NDUFS8: variants seen among roughly 807,000 people sequenced by gnomAD.
The protein encoded by NDUFS8 is NADH:ubiquinone oxidoreductase core subunit S8.
NDUFS8 carries 13 observed loss-of-function variants against 25.6 expected under a neutral mutation model. That is an observed-to-expected ratio of 0.51 (90% CI 0.33 to 0.81). The LOEUF (loss-of-function observed/expected upper bound fraction) is 0.81. NDUFS8 is among the 30% of genes least tolerant of loss of function. The pLI, the probability that NDUFS8 is intolerant of heterozygous loss-of-function variation, is 0.02. For synonymous variants in NDUFS8, 119 were observed against 119.4 expected (o/e 1.00, Z 0.02); for missense variants, 257 against 300.9 (o/e 0.85, Z 1.08).
At chr11:68,034,802 G>A (rs1462203643) in intron 5 of NDUFS8, 1 of 151,626 alleles carries the variant, frequency 6.6e-6, no homozygotes, top group Non-Finnish European at 1.5e-5. Flanking sequence ...CGGTTGCGGT[G>A]GCTCACGCCT....
chr11:68,030,866 C>T (rs531234658), intron 1 of NDUFS8, 133 bp downstream of exon 1: 4 of 444,392 alleles, frequency 9.0e-6, no homozygotes, highest in Admixed American at 7.2e-5. Flanking sequence ...CCGCGGCCTC[C>T]GTGTCCTTCA....
At chr11:68,036,069 C>A (rs1255055446) in intron 5 of NDUFS8, 184 bp from the exon 6 acceptor site, 4 of 800,854 alleles carry the variant, frequency 5.0e-6, no homozygotes, top group Non-Finnish European at 7.7e-6. Flanking sequence ...GCCAGCAGGG[C>A]ACGTGCTGAG....
At chr11:68,033,639 C>T in intron 5 of NDUFS8, 1 of 363,658 alleles carries the variant, frequency 2.7e-6, no homozygotes, top group Non-Finnish European at 5.2e-6. Flanking sequence ...TGCTTGTGTG[C>T]CTGTTGCAGC....
chr11:68,036,571 A>T lies in NDUFS8; in HGVS notation c.611A>T (p.Gln204Leu), dbSNP rs780162910. The T allele has an allele frequency of 7.4e-6, 12 of 1,614,016 alleles. No individual in the cohort carries two copies. Among genetic ancestry groups the T allele is most frequent in the Non-Finnish European group, 1.0e-5 (12 of 1,180,010 alleles). The stretch of plus-strand genomic sequence containing the variant: ...GAGGCCGAGATCGCCGCCAACATCC[A>T]GGCTGACTACTTGTATCGGTGACGC... Reference protein sequence around the residue: ...KWEAEIAANIQADYLYR With the variant: ...KWEAEIAANILADYLYR Residue 204 changes from glutamine to leucine, a missense_variant, in exon 7 of 7, where the codon CAG becomes CTG. By Grantham distance (113) the Gln-to-Leu change is moderately radical (BLOSUM62 -2). Coordinates refer to ENST00000313468, the MANE Select transcript of NDUFS8 (RefSeq NM_002496.4).
In NDUFS8 at chr11:68,036,519, A is replaced by G; in HGVS notation, c.559A>G (p.Lys187Glu). Residue 187 changes from lysine (K) to glutamate (E), a missense_variant, in exon 7 of 7, where the codon AAG becomes GAG. Transcript: ENST00000313468. Reference protein sequence around the residue: ...THEELLYNKEKLLNNGDKWEA... With the variant: ...THEELLYNKEELLNNGDKWEA... ...TGAGGAGCTGCTGTACAACAAGGAG[A>G]AGTTGCTCAACAACGGGGACAAGTG... is the stretch of plus-strand genomic sequence containing the variant. 1 of 1,614,044 alleles carries G rather than the reference A, an allele frequency of 6.2e-7. No individual in the cohort carries two copies. Among genetic ancestry groups the G allele is most frequent in the East Asian group, 2.2e-5 (1 of 44,874 alleles).
chr11:68,033,050 G>C (rs1304891663), intron 4 of NDUFS8, 38 bp downstream of exon 4: 7 of 1,613,224 alleles, frequency 4.3e-6, no homozygotes, highest in South Asian at 3.3e-5. Context: ...AAGGTGCCGG[G>C]TGGGCACGGA....
chr11:68,033,569 A>C, intron 5 of NDUFS8: 1 of 518,132 alleles, frequency 1.9e-6, no homozygotes, highest in Admixed American at 3.2e-5. Context: ...CCTCTGAGCC[A>C]TGGGGTGACA....
intron 5 of NDUFS8, 176 bp from the exon 6 acceptor site, chr11:68,036,077 G>C: frequency 1.1e-6 from 1 of 923,332 alleles, no homozygotes. Context: ...GGCACGTGCT[G>C]AGGAGACAGG....
At chr11:68,032,002 G>A in intron 1 of NDUFS8, 150 bp from the exon 2 acceptor site, 1 of 1,159,338 alleles carries the variant, frequency 8.6e-7, no homozygotes. Flanking sequence ...CTGGGAACAG[G>A]AAAGCCATCT....
chr11:68,032,243 G>T (rs776909632), intron 2 of NDUFS8, 34 bp downstream of exon 2: 1 of 1,613,786 alleles, frequency 6.2e-7, no homozygotes, highest in Non-Finnish European at 8.5e-7. Flanking sequence ...GGGGGTAGGG[G>T]AGTCCAGTCT....
rs1854808964 is a variant in NDUFS8 at position 68,033,264 on chromosome 11, A to T, written c.353A>T (p.Glu118Val). 1 of 1,607,390 alleles carries T rather than the reference A, an allele frequency of 6.2e-7. No homozygotes were observed. The highest frequency in any genetic ancestry group is 1.3e-5 in the African/African-American group (1 of 74,886). Residue 118 changes from glutamate to valine, a missense_variant, in exon 5 of 7, where the codon GAG becomes GTG. Physicochemically the swap from Glu to Val is moderately radical, Grantham distance 121. Transcript: ENST00000313468. ...CGTTGCATTGCCTGCAAGCTCTGCG[A>T]GGCCATCTGCCCCGCCCAGGTGAGC... ...EERCIACKLC[E>V]AICPAQAITI...
intron 5 of NDUFS8, chr11:68,034,441 G>C (rs978997965): frequency 2.6e-5 from 4 of 152,344 alleles, no homozygotes; most frequent in African/African-American, 7.2e-5. Context: ...AGGCATTCTT[G>C]GCGATGTTGC....
chr11:68,031,374 T>G (rs772266493), intron 1 of NDUFS8, among the ~76,000 whole-genome samples: 1 of 152,172 alleles, frequency 6.6e-6, no homozygotes, highest in African/African-American at 2.4e-5. Flanking sequence ...TGAGACAAGG[T>G]CTCACTCTGT....
At chr11:68,035,695 G>T (rs1380072874) in intron 5 of NDUFS8, 1 of 455,358 alleles carries the variant, frequency 2.2e-6, no homozygotes, top group Admixed American at 2.3e-5. Flanking sequence ...GTGAGAGGGG[G>T]TTCTTGGCAG....
intron 1 of NDUFS8, chr11:68,030,942 G>A: frequency 2.3e-6 from 1 of 442,890 alleles, no homozygotes; most frequent in South Asian, 1.6e-5. Flanking sequence ...GCCTAGTTAG[G>A]GTCGGAGATC....
At position 68,033,303 on chromosome 11, in the gene NDUFS8, G is replaced by A. The variant is rs532584196; in HGVS notation, c.372+20G>A. 6.3e-5 allele frequency: 101 copies of A among 1,593,506 alleles called. 2 individuals are homozygous for A. The South Asian group carries it at 8.0e-4, about 13-fold the overall frequency. On this transcript the variant is annotated intron_variant, in intron 5 of 6. Transcript: ENST00000313468. ...GCCCAGGTGAGCCCCTGCCCCAACC[G>A]GCCACCACGCCAGCCCCTGCCACTG...
intron 3 of NDUFS8, chr11:68,032,591 G>T: frequency 1.5e-6 from 2 of 1,327,446 alleles, no homozygotes; most frequent in Non-Finnish European, 2.0e-6. Flanking sequence ...TGAGCCATGG[G>T]TACCTGTGCC....
At chr11:68,036,011 C>CT (rs1228423424) in intron 5 of NDUFS8, 3 of 447,550 alleles carry the variant, frequency 6.7e-6, no homozygotes, top group Admixed American at 3.8e-5. Context: ...GAGCGAGACT[C>CT]TATCTCAAAA....
In NDUFS8 at chr11:68,036,255, C is replaced by T. The variant is rs1225326648; in HGVS notation, c.375C>T (p.Ala125=). 6.2e-7 allele frequency: 1 copy of T among 1,612,694 alleles called. No homozygotes were observed. Among genetic ancestry groups the T allele is most frequent in the Non-Finnish European group, 8.5e-7 (1 of 1,179,766 alleles). Residue 125 remains alanine (A), a splice_region_variant and synonymous_variant, in exon 6 of 7, where the codon GCC becomes GCT. Coordinates refer to ENST00000313468, the MANE Select transcript of NDUFS8 (RefSeq NM_002496.4). ...KLCEAICPAQ[A]ITIEAEPRAD... Reference sequence around the variant, plus strand: ...GTGTCTGGTGGCCCCTCCCGCAGGCCATCACCATCGAGGCTGAGCCAAGAG... The same window carrying T: ...GTGTCTGGTGGCCCCTCCCGCAGGCTATCACCATCGAGGCTGAGCCAAGAG...
Sources: gnomAD v4.1 joint callset for allele counts (sites outside exome capture counted in the v4.1 genomes callset) on GRCh38, gnomAD v4.1.1 for gene constraint, MANE v1.5 for transcripts, NCBI Gene and HGNC (gene_info 2026-07-23, HGNC 2026-07-21) for gene names.